Variants in NEMP2 observed in about 807,000 individuals in gnomAD.
NEMP2 encodes nuclear envelope integral membrane protein 2, also known as UPF0571 transmembrane protein.
In NEMP2, 53 loss-of-function variants were observed where a neutral mutation model predicts 54.2. The ratio of observed to expected loss-of-function variants is 0.98; its 90% CI spans 0.78 to 1.23. The LOEUF is 1.23. Ranked by LOEUF, NEMP2 falls within the 50% of genes most tolerant of loss-of-function variation. The pLI, the probability that NEMP2 is intolerant of heterozygous loss-of-function variation, is 0.00. For synonymous variants in NEMP2, 197 were observed against 190.3 expected (o/e 1.04, Z -0.29); for missense variants, 455 against 511.3 (o/e 0.89, Z 1.06).
chr2:190,621,558 T>G, the NEMP2 span, among the ~76,000 whole-genome samples: 3 of 152,008 alleles, frequency 2.0e-5, no homozygotes, highest in Non-Finnish European at 4.4e-5. Context: ...GACCTATATA[T>G]TCAATGCAAT....
the NEMP2 span, among the ~76,000 whole-genome samples, chr2:190,644,568 A>G: frequency 3.3e-5 from 5 of 152,392 alleles, no homozygotes; most frequent in African/African-American, 1.2e-4. This position sits in a 1 kb window ranked among gnomAD's most constrained non-coding sequence, Gnocchi z 4.4. Context: ...GCCATAAAAA[A>G]GAACAGGTTC....
chr2:190,513,081 T>A lies in NEMP2; in HGVS notation c.953+1372A>T, dbSNP rs1427074131. Among the ~76,000 whole-genome samples, 1 of 152,208 alleles carries A rather than the reference T, an allele frequency of 6.6e-6. No homozygotes were observed. The highest frequency in any genetic ancestry group is 2.4e-5 in the African/African-American group (1 of 41,464). The stretch of plus-strand genomic sequence containing the variant: ...CTGGACCACTGTGATGTCTGATAAC[T>A]GTTCTCCTGCCACAGGGGCCTCCCC... On this transcript the variant is annotated intron_variant, in intron 7 of 8. Coordinates refer to ENST00000409150, the MANE Select transcript of NEMP2 (RefSeq NM_001142645.2). The surrounding 1 kb of genome is among the most constrained non-coding windows in gnomAD (Gnocchi z 5.3).
the NEMP2 span, among the ~76,000 whole-genome samples, chr2:190,571,890 C>T: frequency 6.6e-6 from 1 of 152,012 alleles, no homozygotes; most frequent in Admixed American, 6.6e-5. Context: ...TTCCTGTTGC[C>T]CCAGGGCTGC....
At chr2:190,606,388 A>G in the NEMP2 span, among the ~76,000 whole-genome samples, 1 of 152,222 alleles carries the variant, frequency 6.6e-6, no homozygotes, top group Non-Finnish European at 1.5e-5. Flanking sequence ...CATGAAAAGT[A>G]TCGTATCTGC....
chr2:190,497,516 C>G, the NEMP2 span: 1 of 1,614,204 alleles, frequency 6.2e-7, no homozygotes, highest in Admixed American at 1.7e-5. The surrounding 1 kb of genome is among the most constrained non-coding windows in gnomAD (Gnocchi z 5.2). Context: ...GGTACAGCAA[C>G]AGACAGAAGA....
At chr2:190,449,140 C>T in the NEMP2 span, among the ~76,000 whole-genome samples, 1 of 152,146 alleles carries the variant, frequency 6.6e-6, no homozygotes, top group African/African-American at 2.4e-5. Context: ...GTCTTATTTT[C>T]TTCTCTTTAA....
the NEMP2 span, among the ~76,000 whole-genome samples, chr2:190,629,293 C>T: frequency 5.9e-5 from 9 of 152,152 alleles, no homozygotes; most frequent in African/African-American, 1.9e-4. Flanking sequence ...CATTGAAATA[C>T]GTATTATGAA....
At chr2:190,472,098 A>G in the NEMP2 span, among the ~76,000 whole-genome samples, 1 of 152,200 alleles carries the variant, frequency 6.6e-6, no homozygotes, top group African/African-American at 2.4e-5. Context: ...GTACGTCACC[A>G]TCATCAAAGA....
the NEMP2 span, among the ~76,000 whole-genome samples, chr2:190,569,355 A>G: frequency 6.6e-6 from 1 of 151,968 alleles, no homozygotes; most frequent in Admixed American, 6.6e-5. Context: ...TTACTAAGCC[A>G]TTGATTTTAT....
the NEMP2 span, chr2:190,436,058 C>G: frequency 1.9e-6 from 3 of 1,613,422 alleles, no homozygotes; most frequent in East Asian, 6.7e-5. The surrounding 1 kb of genome is among the most constrained non-coding windows in gnomAD (Gnocchi z 5.3). Flanking sequence ...GCTATCTTAA[C>G]GGATGATGAA....
the NEMP2 span, among the ~76,000 whole-genome samples, chr2:190,588,346 TC>T: frequency 6.6e-6 from 1 of 152,186 alleles, no homozygotes; most frequent in East Asian, 1.9e-4. This position sits in a 1 kb window ranked among gnomAD's most constrained non-coding sequence, Gnocchi z 5.0. Flanking sequence ...TCTCAATCTT[TC>T]TGTCTCTTTC....
At chr2:190,602,555 A>G in the NEMP2 span, among the ~76,000 whole-genome samples, 2 of 152,172 alleles carry the variant, frequency 1.3e-5, no homozygotes, top group Non-Finnish European at 2.9e-5. Flanking sequence ...GCAAGTTGAC[A>G]CTCAGAGTTA....
the NEMP2 span, among the ~76,000 whole-genome samples, chr2:190,605,011 G>A: frequency 4.2e-3 from 644 of 152,226 alleles, 10 homozygotes; most frequent in African/African-American, 0.015. Flanking sequence ...TGGTTGCCAA[G>A]TCCTACAGAT....
chr2:190,571,069 G>C, the NEMP2 span, among the ~76,000 whole-genome samples: 2 of 152,152 alleles, frequency 1.3e-5, no homozygotes, highest in African/African-American at 4.8e-5. Flanking sequence ...CCATCCATTA[G>C]CTGTGTGACC....
chr2:190,523,314 TG>T lies in NEMP2; in HGVS notation c.213+1948del. On this transcript the variant is annotated intron_variant, in intron 2 of 8. Coordinates refer to ENST00000409150, the MANE Select transcript of NEMP2 (RefSeq NM_001142645.2). This position sits in a 1 kb window ranked among gnomAD's most constrained non-coding sequence, Gnocchi z 5.3. ...AACTCCTGTTACTAGGTTTGTTTTT[TG>T]TAATGGTATGACTTACCAATTCTGT... Among the ~76,000 whole-genome samples, 1 of 152,340 alleles carries T rather than the reference TG, an allele frequency of 6.6e-6. No homozygotes were observed. The highest frequency in any genetic ancestry group is 2.4e-5 in the African/African-American group (1 of 41,572).
chr2:190,639,292 A>G, the NEMP2 span, among the ~76,000 whole-genome samples: 1 of 152,070 alleles, frequency 6.6e-6, no homozygotes, highest in Non-Finnish European at 1.5e-5. Context: ...CATGTGTCAG[A>G]TGGTAGACCC....
rs1231849157 is a variant in NEMP2 at position 190,508,240 on chromosome 2, A to G, written c.*949T>C. The G allele has an allele frequency of 2.6e-5, 4 of 152,260 alleles. No individual in the cohort carries two copies. The highest frequency in any genetic ancestry group is 5.9e-5 in the Non-Finnish European group (4 of 68,048). 9.4% of individuals were successfully genotyped at this position (152,260 alleles called of 1,614,324 possible). A position where few individuals can be genotyped will look rare whatever the true frequency, so the allele number is the denominator to read the frequency against. ...ATGTATATAAAAATCTTACGTATGT[A>G]TAAAAAACTTTAAAATGTCTTCAGA... On this transcript the variant is annotated 3_prime_UTR_variant, in exon 9 of 9. Transcript: ENST00000409150. The surrounding 1 kb of genome is among the most constrained non-coding windows in gnomAD (Gnocchi z 4.3).
At position 190,514,393 on chromosome 2, in the gene NEMP2, C is replaced by G; in HGVS notation, c.953+60G>C. ...AACATGATGTGTGCAAACACTCTCC[C>G]AAATAATAAAACTAGAGCTCAAAAT... On this transcript the variant is annotated intron_variant, in intron 7 of 8. Coordinates refer to ENST00000409150, the MANE Select transcript of NEMP2 (RefSeq NM_001142645.2). This position sits in a 1 kb window ranked among gnomAD's most constrained non-coding sequence, Gnocchi z 5.7. 1 of 1,408,902 alleles carries G rather than the reference C, an allele frequency of 7.1e-7. No individual in the cohort carries two copies. Among genetic ancestry groups the G allele is most frequent in the Non-Finnish European group, 9.8e-7 (1 of 1,020,082 alleles). The allele number at this position is 1,408,902 out of a possible 1,614,324, so 87.3% of individuals were successfully genotyped here.
chr2:190,514,761 G>A lies in NEMP2; in HGVS notation c.728-83C>T. 1 of 1,312,310 alleles carries A rather than the reference G, an allele frequency of 7.6e-7. No individual in the cohort carries two copies. The highest frequency in any genetic ancestry group is 1.1e-6 in the Non-Finnish European group (1 of 945,678). 81.3% of individuals were successfully genotyped at this position (1,312,310 alleles called of 1,614,324 possible). A position where few individuals can be genotyped will look rare whatever the true frequency, so the allele number is the denominator to read the frequency against. ...AACCTGGCAGAGCCTTGACTTAAAG[G>A]TAAAAACTATTAGAGAACCTTAATT... On this transcript the variant is annotated intron_variant, in intron 6 of 8. Coordinates refer to ENST00000409150, the MANE Select transcript of NEMP2 (RefSeq NM_001142645.2). This position sits in a 1 kb window ranked among gnomAD's most constrained non-coding sequence, Gnocchi z 5.7.
Sources: gnomAD v4.1 joint callset for allele counts (sites outside exome capture counted in the v4.1 genomes callset) on GRCh38, gnomAD v4.1.1 for gene constraint, Gnocchi (gnomAD v3.1) non-coding constraint, MANE v1.5 for transcripts, NCBI Gene and HGNC (gene_info 2026-07-23, HGNC 2026-07-21) for gene names.